C4orf50: variants seen among roughly 807,000 people sequenced by gnomAD.
C4orf50 encodes the protein chromosome 4 open reading frame 50.
Under a neutral mutation model 77.2 loss-of-function variants are expected in C4orf50, and 80 were observed. The observed-to-expected ratio is 1.04, with a 90% CI of 0.87 to 1.25. The LOEUF is 1.25. Ranked by LOEUF, C4orf50 falls within the 50% of genes most tolerant of loss-of-function variation. The pLI, the probability that C4orf50 is intolerant of heterozygous loss-of-function variation, is 0.00. For synonymous variants in C4orf50, 532 were observed against 465.3 expected (o/e 1.14, Z -1.84); for missense variants, 1,257 against 1,152.9 (o/e 1.09, Z -1.31).
At chr4:5,980,212 C>G in exon 29 of C4orf50, 2 of 1,608,510 alleles carry the variant, frequency 1.2e-6, no homozygotes, top group South Asian at 1.1e-5. Flanking sequence ...GTGGCCTCGT[C>G]CAGAGACGCC....
At chr4:5,954,444 C>G (rs969372338), downstream of C4orf50, among the ~76,000 whole-genome samples, 1 of 152,044 alleles carries the variant, frequency 6.6e-6, no homozygotes, top group Admixed American at 6.5e-5. The surrounding 1 kb of genome is among the most constrained non-coding windows in gnomAD (Gnocchi z 4.7). Context: ...CCCCAGGGAG[C>G]AATGGGCTGA....
At position 6,015,920 on chromosome 4, in the gene C4orf50, T is replaced by A. The variant is rs909179534; in HGVS notation, c.287+2225A>T. Among the ~76,000 whole-genome samples the A allele has an allele frequency of 2.6e-5, 4 of 152,134 alleles. No individual in the cohort carries two copies. Among genetic ancestry groups the A allele is most frequent in the African/African-American group, 9.7e-5 (4 of 41,424 alleles). ...ACCAGCCGGCGAATCTGGGTCCATA[T>A]CCCCATGTCACCATCCTTGACATGT... is the stretch of plus-strand genomic sequence containing the variant. On this transcript the variant is annotated intron_variant, in intron 23 of 33. Transcript: ENST00000531445. The surrounding 1 kb of genome is among the most constrained non-coding windows in gnomAD (Gnocchi z 4.4).
chr4:5,990,679 G>A (rs1721230826), exon 28 of C4orf50: 2 of 399,216 alleles, frequency 5.0e-6, no homozygotes, highest in Non-Finnish European at 4.4e-6. Context: ...CAGGAGAAAG[G>A]CTTCTGCAGC....
intron 30 of C4orf50, among the ~76,000 whole-genome samples, chr4:5,974,544 T>C (rs1269808902): frequency 6.6e-6 from 1 of 152,168 alleles, no homozygotes; most frequent in African/African-American, 2.4e-5. Flanking sequence ...CTGACGACAC[T>C]GAGGCCCCAG....
chr4:5,955,539 G>C (rs1435795209), downstream of C4orf50, among the ~76,000 whole-genome samples: 1 of 152,216 alleles, frequency 6.6e-6, no homozygotes. This position sits in a 1 kb window ranked among gnomAD's most constrained non-coding sequence, Gnocchi z 5.1. Flanking sequence ...AAGCCTGAAG[G>C]GGTCTGGGCA....
intron 7 of C4orf50, chr4:5,903,985 G>C (rs1716441426): frequency 6.6e-6 from 1 of 152,164 alleles, no homozygotes; most frequent in Admixed American, 6.6e-5. Context: ...AATGTGATAT[G>C]GGGCCTGCCT....
In C4orf50 at chr4:6,008,528, C is replaced by T. The variant is rs1183358723; in HGVS notation, c.431G>A (p.Arg144Gln). ...CTGCCGCCTGGCCACGCTCTCCTCC[C>T]GGATCTACAAGTTGGCGGTGGATGA... is the stretch of plus-strand genomic sequence containing the variant. Residue 144 changes from arginine (R) to glutamine (Q), a missense_variant, in exon 25 of 34, where the codon CGG becomes CAG. By Grantham distance (43) the Arg-to-Gln change is conservative. Coordinates refer to ENST00000531445, the Ensembl canonical transcript of C4orf50. This position sits in a 1 kb window ranked among gnomAD's most constrained non-coding sequence, Gnocchi z 6.0. The T allele has an allele frequency of 2.3e-5, 9 of 397,792 alleles. No individual in the cohort carries two copies. Among genetic ancestry groups the T allele is most frequent in the Non-Finnish European group, 4.0e-5 (9 of 225,566 alleles). The allele number at this position is 397,792 out of a possible 1,614,324, so 24.6% of individuals were successfully genotyped here. A position where few individuals can be genotyped will look rare whatever the true frequency, so the allele number is the denominator to read the frequency against.
Position 6,011,885 on chromosome 4 carries a change from G to C in C4orf50, c.371C>G (p.Ala124Gly), listed in dbSNP as rs1397609752. 5 of 398,940 alleles carry C rather than the reference G, an allele frequency of 1.3e-5. No individual in the cohort carries two copies. The highest frequency in any genetic ancestry group is 1.0e-4 in the African/African-American group (5 of 48,626). 24.7% of individuals were successfully genotyped at this position (398,940 alleles called of 1,614,324 possible). Residue 124 changes from alanine to glycine, a missense_variant, in exon 24 of 34, where the codon GCC becomes GGC. Coordinates refer to ENST00000531445, the Ensembl canonical transcript of C4orf50. This position sits in a 1 kb window ranked among gnomAD's most constrained non-coding sequence, Gnocchi z 4.2. ...CAGCTTCTCCTGGGCCTGGAGCCAG[G>C]CGCTTCTCTCCTGGGCCACGTGGGT...
intron 25 of C4orf50, 53 bp from the exon 4 acceptor site, chr4:5,994,529 T>A (rs4993357): frequency 5.0e-6 from 2 of 398,902 alleles, no homozygotes; most frequent in Non-Finnish European, 8.8e-6. Context: ...CTGAAGTGTG[T>A]ACTCCAAGCC....
At chr4:5,985,934 A>C (rs1427650112) in intron 28 of C4orf50, among the ~76,000 whole-genome samples, 1 of 152,226 alleles carries the variant, frequency 6.6e-6, no homozygotes, top group Non-Finnish European at 1.5e-5. Context: ...ATACTACTGC[A>C]CTCCAGCCTG....
intron 28 of C4orf50, among the ~76,000 whole-genome samples, chr4:5,984,541 T>C (rs1720760903): frequency 6.6e-6 from 1 of 152,174 alleles, no homozygotes; most frequent in Non-Finnish European, 1.5e-5. Context: ...AAGAATAAAA[T>C]TGATATTCTA....
At position 5,947,001 on chromosome 4, in the gene C4orf50, T is replaced by C. The variant is rs1378171328; in HGVS notation, c.*2474+9900A>G. 5.9e-5 allele frequency among the ~76,000 whole-genome samples: 9 copies of C among 152,328 alleles called. No individual in the cohort carries two copies. In the East Asian group the frequency reaches 1.5e-3, roughly 26 times the overall value. ...GCCAGTGCCCTTGGAGAGACCACCATTTCAATAAAGATGACAGCCAGGGAA... is the reference window on the plus strand; with the variant it reads ...GCCAGTGCCCTTGGAGAGACCACCACTTCAATAAAGATGACAGCCAGGGAA... On this transcript the variant is annotated intron_variant, in intron 7 of 7. Transcript: ENST00000324058.
chr4:5,929,531 A>G (rs1259551388), intron 7 of C4orf50, among the ~76,000 whole-genome samples: 1 of 152,276 alleles, frequency 6.6e-6, no homozygotes, highest in South Asian at 2.1e-4. Flanking sequence ...TTGTGTTTTA[A>G]TAACAGGGAC....
intron 7 of C4orf50, among the ~76,000 whole-genome samples, chr4:5,934,728 G>T (rs1717932881): frequency 6.6e-6 from 1 of 152,126 alleles, no homozygotes; most frequent in South Asian, 2.1e-4. Context: ...CTAGAACGAG[G>T]GTTTACTTGT....
intron 7 of C4orf50, among the ~76,000 whole-genome samples, chr4:5,951,836 G>A (rs750316833): frequency 2.6e-5 from 4 of 152,074 alleles, no homozygotes; most frequent in South Asian, 2.1e-4. Flanking sequence ...AGCAAAACTC[G>A]GGCCCTCTCC....
rs1046937141 is a variant in C4orf50 at position 5,935,926 on chromosome 4, T to C, written c.*2474+20975A>G. 2.0e-5 allele frequency among the ~76,000 whole-genome samples: 3 copies of C among 152,152 alleles called. No homozygotes were observed. In the East Asian group the frequency reaches 5.8e-4, roughly 29 times the overall value. On this transcript the variant is annotated intron_variant, in intron 7 of 7. Transcript: ENST00000324058. ...CCAAGAACATCAAATAGTAGAACTA[T>C]TGAATAGAGACCATAAAGTGGATTC... is the stretch of plus-strand genomic sequence containing the variant.
At position 6,017,993 on chromosome 4, in the gene C4orf50, G is replaced by T. The variant is rs1722742442; in HGVS notation, c.287+152C>A. ...GAGCAGAAGAAGGAGGGCGGGAGGA[G>T]CAGAAGGCAAGTGACTGCGTGGGCA... On this transcript the variant is annotated intron_variant, in intron 23 of 33. Transcript: ENST00000531445. The surrounding 1 kb of genome is among the most constrained non-coding windows in gnomAD (Gnocchi z 4.7). Among the ~76,000 whole-genome samples, 1 of 152,178 alleles carries T rather than the reference G, an allele frequency of 6.6e-6. No homozygotes were observed. The highest frequency in any genetic ancestry group is 1.5e-5 in the Non-Finnish European group (1 of 68,034).
chr4:5,922,206 T>C (rs1717305924), intron 7 of C4orf50, among the ~76,000 whole-genome samples: 1 of 152,138 alleles, frequency 6.6e-6, no homozygotes, highest in Admixed American at 6.5e-5. Context: ...CCCAGAGTGG[T>C]GGGCCGGGGC....
chr4:5,983,174 C>G, intron 28 of C4orf50, among the ~76,000 whole-genome samples: 1 of 152,234 alleles, frequency 6.6e-6, no homozygotes, highest in East Asian at 1.9e-4. Context: ...CTCAGCTGTT[C>G]TCCTTCAATC....
Sources: allele counts gnomAD v4.1 joint callset (sites outside exome capture counted in the v4.1 genomes callset), GRCh38; gene constraint gnomAD v4.1.1; non-coding constraint Gnocchi (gnomAD v3.1); transcripts MANE v1.5; gene names NCBI Gene and HGNC (gene_info 2026-07-23, HGNC 2026-07-21).